FBXL17: variants seen among roughly 807,000 people sequenced by gnomAD.
FBXL17 encodes F-box/LRR-repeat protein 17.
In FBXL17, 22 loss-of-function variants were observed where a neutral mutation model predicts 66.2. The ratio of observed to expected loss-of-function variants is 0.33; its 90% CI spans 0.24 to 0.47. FBXL17 has a LOEUF of 0.47. FBXL17 is among the 20% of genes least tolerant of loss of function. The pLI, the probability that FBXL17 is intolerant of heterozygous loss-of-function variation, is 1.00. For synonymous variants in FBXL17, 474 were observed against 400.5 expected, an observed-to-expected ratio of 1.18 and a Z score of -2.19; for missense variants, 878 against 948.2, an observed-to-expected ratio of 0.93 and a Z score of 0.97.
At chr5:107,980,664 A>ATATATATATATATATT in intron 7 of FBXL17, among the ~76,000 whole-genome samples, 3 of 62,074 alleles carry the variant, frequency 4.8e-5, no homozygotes, top group African/African-American at 3.1e-4. Context: ...ATATATATAT[A>ATATATATATATATATT]TTTTTTTTTT....
intron 6 of FBXL17, among the ~76,000 whole-genome samples, chr5:108,147,048 C>G (rs950690615): frequency 6.6e-6 from 1 of 152,190 alleles, no homozygotes; most frequent in Non-Finnish European, 1.5e-5. Flanking sequence ...TGGAAGGGGA[C>G]AGGGGCATTC....
chr5:107,910,271 T>TA (rs1315076476), intron 7 of FBXL17, among the ~76,000 whole-genome samples: 7 of 152,166 alleles, frequency 4.6e-5, no homozygotes, highest in African/African-American at 1.7e-4. Context: ...TGAAGTAAAT[T>TA]AAAAATCTTT....
At chr5:108,073,344 A>G (rs1386355737) in intron 6 of FBXL17, among the ~76,000 whole-genome samples, 1 of 152,124 alleles carries the variant, frequency 6.6e-6, no homozygotes, top group Non-Finnish European at 1.5e-5. Context: ...GTTTCTGAAA[A>G]GAAACATGAC....
chr5:108,061,317 C>T (rs181363804), intron 6 of FBXL17, among the ~76,000 whole-genome samples: 1 of 152,018 alleles, frequency 6.6e-6, no homozygotes, highest in African/African-American at 2.4e-5. Flanking sequence ...TCCTTATTTC[C>T]TATTAATCTC....
chr5:108,111,182 C>A (rs556706778), intron 6 of FBXL17, among the ~76,000 whole-genome samples: 1 of 150,844 alleles, frequency 6.6e-6, no homozygotes, highest in African/African-American at 2.4e-5. Context: ...ATCTGCAGAC[C>A]CTGCTTTTCA....
intron 3 of FBXL17, among the ~76,000 whole-genome samples, chr5:108,349,378 C>T (rs1212434457): frequency 6.6e-6 from 1 of 151,920 alleles, no homozygotes; most frequent in South Asian, 2.1e-4. Flanking sequence ...GTTTTTATTC[C>T]CTTCTGCCTA....
intron 4 of FBXL17, among the ~76,000 whole-genome samples, chr5:108,308,256 CAAT>C (rs1758948551): frequency 6.6e-6 from 1 of 151,862 alleles, no homozygotes; most frequent in Non-Finnish European, 1.5e-5. Context: ...GTAGAAATAA[CAAT>C]AACAAGTAAT....
At chr5:108,075,568 C>T (rs372608932) in intron 6 of FBXL17, among the ~76,000 whole-genome samples, 4 of 152,206 alleles carry the variant, frequency 2.6e-5, no homozygotes, top group East Asian at 3.9e-4. Flanking sequence ...CTCTGCCTCC[C>T]GGGTTCAGGC....
intron 7 of FBXL17, 96 bp downstream of exon 7, chr5:108,020,827 GTC>G: frequency 1.2e-6 from 1 of 837,066 alleles, no homozygotes; most frequent in Non-Finnish European, 2.0e-6. Context: ...ACGATAGACA[GTC>G]TCTATGATAT....
At chr5:108,233,051 C>CATT (rs1561479151) in intron 4 of FBXL17, among the ~76,000 whole-genome samples, 1 of 151,614 alleles carries the variant, frequency 6.6e-6, no homozygotes, top group African/African-American at 2.4e-5. Context: ...AGGAGTAGAA[C>CATT]TGGTGAGTCA....
intron 3 of FBXL17, among the ~76,000 whole-genome samples, chr5:108,356,897 T>G (rs1345014146): frequency 6.6e-6 from 1 of 152,032 alleles, no homozygotes; most frequent in African/African-American, 2.4e-5. Flanking sequence ...ATACTGATAA[T>G]GGGAGGGGCT....
At chr5:107,983,650 C>T (rs1447562296) in intron 7 of FBXL17, among the ~76,000 whole-genome samples, 17 of 152,126 alleles carry the variant, frequency 1.1e-4, no homozygotes, top group East Asian at 1.9e-4. Flanking sequence ...CATATCCTCT[C>T]GGGTCCATCC....
At chr5:107,992,275 A>C (rs1753282496) in intron 7 of FBXL17, among the ~76,000 whole-genome samples, 1 of 152,156 alleles carries the variant, frequency 6.6e-6, no homozygotes, top group East Asian at 1.9e-4. Context: ...CTAACTTTCT[A>C]TTATGGAAAG....
rs142901399 is a variant in FBXL17, at chr5:108,358,755, T to G, written c.1374+5983A>C. Among the ~76,000 whole-genome samples, 1,053 of 152,320 alleles carry G rather than the reference T, an allele frequency of 6.9e-3. 10 individuals carry two copies. Among genetic ancestry groups the G allele is most frequent in the Non-Finnish European group, 0.01 (704 of 68,014 alleles). The stretch of plus-strand genomic sequence containing the variant: ...TTTTTTGAAAGAGTTTGAGAAGGAC[T>G]GGTGTTAATTCTTCTTTAAATATTT... On this transcript the variant is annotated intron_variant, in intron 3 of 8. Coordinates refer to ENST00000542267, the MANE Select transcript of FBXL17 (RefSeq NM_001163315.3).
intron 7 of FBXL17, among the ~76,000 whole-genome samples, chr5:108,016,782 C>T (rs1313515799): frequency 2.7e-5 from 4 of 146,458 alleles, no homozygotes; most frequent in Admixed American, 7.0e-5. Context: ...TTCTTTCTTT[C>T]TTTCTTTTTT....
At chr5:107,930,864 T>C (rs1003003753) in intron 7 of FBXL17, among the ~76,000 whole-genome samples, 1 of 152,246 alleles carries the variant, frequency 6.6e-6, no homozygotes, top group Non-Finnish European at 1.5e-5. Context: ...ATCAATTTTT[T>C]GAAAAGTTTT....
At chr5:107,889,286 A>G (rs1483630229) in intron 7 of FBXL17, among the ~76,000 whole-genome samples, 1 of 152,220 alleles carries the variant, frequency 6.6e-6, no homozygotes, top group Admixed American at 6.5e-5. Context: ...TGAAGACGTG[A>G]AACTTAAGTA....
intron 6 of FBXL17, among the ~76,000 whole-genome samples, chr5:108,064,450 C>T (rs1281512933): frequency 6.6e-6 from 1 of 152,090 alleles, no homozygotes; most frequent in Non-Finnish European, 1.5e-5. Context: ...ATCCCTGCTA[C>T]AAGCAGGGAT....
intron 6 of FBXL17, among the ~76,000 whole-genome samples, chr5:108,035,747 G>T (rs1372069867): frequency 6.6e-6 from 1 of 152,070 alleles, no homozygotes. Flanking sequence ...ATTGAGCCTT[G>T]TTTCCAATGC....
Sources: gnomAD v4.1 joint callset for allele counts (sites outside exome capture counted in the v4.1 genomes callset) on GRCh38, gnomAD v4.1.1 for gene constraint, MANE v1.5 for transcripts, NCBI Gene and HGNC (gene_info 2026-07-23, HGNC 2026-07-21) for gene names.